AGO3: variants seen among roughly 807,000 people sequenced by gnomAD.
The protein encoded by AGO3 is protein argonaute-3.
A neutral mutation model predicts 105.5 loss-of-function variants in AGO3; 16 were observed. The observed-to-expected ratio is 0.15, with a 90% CI of 0.10 to 0.23. The LOEUF (loss-of-function observed/expected upper bound fraction) is 0.23, where lower values mean the gene tolerates loss of function less well. Among genes scored for constraint, AGO3 ranks in the 10% least tolerant of loss-of-function variants. The pLI is 1.00. For synonymous variants in AGO3, 340 were observed against 367.3 expected (o/e 0.93, Z 0.85); for missense variants, 534 against 1,088.0 (o/e 0.49, Z 7.16).
intron 3 of AGO3, among the ~76,000 whole-genome samples, chr1:35,969,320 A>G (rs1337623195): frequency 2.0e-5 from 3 of 152,078 alleles, no homozygotes; most frequent in Admixed American, 6.6e-5. Context: ...TCTTTTCACT[A>G]TGTTGTGTCC....
chr1:35,974,706 G>A (rs145459732), intron 5 of AGO3, among the ~76,000 whole-genome samples: 9 of 152,210 alleles, frequency 5.9e-5, no homozygotes, highest in African/African-American at 2.2e-4. Context: ...TTCACTGATC[G>A]TTGTGGCCCA....
rs1377514318 is a variant in AGO3, at chr1:35,995,208, AAAT to A, written c.659-9131_659-9129del. On this transcript the variant is annotated intron_variant, in intron 5 of 18. Coordinates refer to ENST00000373191, the MANE Select transcript of AGO3 (RefSeq NM_024852.4). ...AGAGCAAGACACTGTCTAAAAAAAA[AAAT>A]ATATATATATATATATATATATATA... Among the ~76,000 whole-genome samples, 942 of 119,968 alleles carry A rather than the reference AAAT, an allele frequency of 7.9e-3. 11 individuals carry two copies. The highest frequency in any genetic ancestry group is 0.034 in the African/African-American group (897 of 26,692). 78.7% of individuals were successfully genotyped at this position (119,968 alleles called of 152,430 possible).
chr1:35,947,760 C>T (rs1646394118), intron 2 of AGO3, among the ~76,000 whole-genome samples: 2 of 152,108 alleles, frequency 1.3e-5, no homozygotes, highest in Admixed American at 1.3e-4. Context: ...TTCTGTGAGC[C>T]GTCATCCACT....
At chr1:36,036,357 G>T in intron 14 of AGO3, 90 bp downstream of exon 14, 1 of 1,224,320 alleles carries the variant, frequency 8.2e-7, no homozygotes, top group Non-Finnish European at 1.2e-6. Flanking sequence ...TATTTTCTTT[G>T]TAGCCAACTT....
rs1569984338 is a variant in AGO3 at position 36,070,287 on chromosome 1, C to G, written c.*14542C>G. 6.6e-6 allele frequency: 1 copy of G among 152,124 alleles called. No individual in the cohort carries two copies. The highest frequency in any genetic ancestry group is 1.9e-4 in the East Asian group (1 of 5,198). 9.4% of individuals were successfully genotyped at this position (152,124 alleles called of 1,614,324 possible). ...CTTTGCAGAATTTAACTTTGCTTTA[C>G]TTTAAAAATTCCAATCATCATGTAC... On this transcript the variant is annotated 3_prime_UTR_variant, in exon 19 of 19. Coordinates refer to ENST00000373191, the MANE Select transcript of AGO3 (RefSeq NM_024852.4).
At chr1:35,997,596 A>C (rs920589876) in intron 5 of AGO3, among the ~76,000 whole-genome samples, 1 of 152,276 alleles carries the variant, frequency 6.6e-6, no homozygotes, top group Non-Finnish European at 1.5e-5. Context: ...TATTGTGTTG[A>C]GTAGTTTAGA....
intron 17 of AGO3, among the ~76,000 whole-genome samples, chr1:36,048,014 TGTCAA>T (rs1279339738): frequency 6.6e-6 from 1 of 152,094 alleles, no homozygotes; most frequent in Non-Finnish European, 1.5e-5. Context: ...GTAGTCAAAT[TGTCAA>T]GTCAAGGACA....
At chr1:36,011,601 A>T (rs1640617358) in intron 9 of AGO3, among the ~76,000 whole-genome samples, 1 of 152,220 alleles carries the variant, frequency 6.6e-6, no homozygotes, top group Admixed American at 6.5e-5. Flanking sequence ...GTTTAAAAAA[A>T]ATAAAACAGA....
At position 36,034,284 on chromosome 1, in the gene AGO3, A is replaced by T; in HGVS notation, c.1702A>T (p.Ile568Leu). 1 of 1,612,006 alleles carries T rather than the reference A, an allele frequency of 6.2e-7. No homozygotes were observed. The highest frequency in any genetic ancestry group is 8.5e-7 in the Non-Finnish European group (1 of 1,179,210). ...AACTCTGTCAAACTTGTGCCTAAAG[A>T]TAAATGTTAAACTCGGAGGGATCAA... ...PQTLSNLCLK[I>L]NVKLGGINNI... The change falls in exon 13 of 19, where the codon ATA becomes TTA. Residue 568 changes from isoleucine to leucine, a missense_variant. Around this residue, in one of 2 missense-constraint regions of AGO3, gnomAD observed 373 missense variants for 854.0 expected, o/e 0.44. Transcript: ENST00000373191.
intron 4 of AGO3, among the ~76,000 whole-genome samples, 176 bp downstream of exon 4, chr1:35,972,408 G>C (rs1025626936): frequency 1.3e-5 from 2 of 152,056 alleles, no homozygotes; most frequent in Non-Finnish European, 2.9e-5. Context: ...AAATTATCTG[G>C]CTTTTGCAAG....
In AGO3 at chr1:36,071,585, A is replaced by G. The variant is rs1643167538; in HGVS notation, c.*15840A>G. 6.6e-6 allele frequency: 1 copy of G among 151,846 alleles called. No individual in the cohort carries two copies. The allele number at this position is 151,846 out of a possible 1,614,324, so 9.4% of individuals were successfully genotyped here. On this transcript the variant is annotated 3_prime_UTR_variant, in exon 19 of 19. Transcript: ENST00000373191. ...ATGGGACTCTCAAACCTCCCTCCTCATCTTCCCTTCCCCTCTGTCTTATGC... is the reference window on the plus strand; with the variant it reads ...ATGGGACTCTCAAACCTCCCTCCTCGTCTTCCCTTCCCCTCTGTCTTATGC...
intron 11 of AGO3, among the ~76,000 whole-genome samples, chr1:36,025,846 T>C (rs547371669): frequency 6.6e-6 from 1 of 152,258 alleles, no homozygotes; most frequent in East Asian, 1.9e-4. Flanking sequence ...AAGACCAGCC[T>C]GACCAACATG....
chr1:35,931,569 C>G (rs1646049070), intron 1 of AGO3, 124 bp downstream of exon 1: 1 of 1,070,724 alleles, frequency 9.3e-7, no homozygotes, highest in East Asian at 3.2e-5. Flanking sequence ...CTCGGTCTCC[C>G]GCCCCTCGCC....
chr1:36,041,454 G>C (rs963082857), intron 16 of AGO3, among the ~76,000 whole-genome samples: 18 of 151,954 alleles, frequency 1.2e-4, no homozygotes, highest in Admixed American at 9.8e-4. Flanking sequence ...TGTTAGCCAG[G>C]ACGGTCTCGA....
chr1:35,953,710 C>G lies in AGO3; in HGVS notation c.191+7847C>G, dbSNP rs1646514295. Among the ~76,000 whole-genome samples the G allele has an allele frequency of 2.6e-5, 4 of 152,012 alleles. No homozygotes were observed. The South Asian group carries it at 8.3e-4, about 32-fold the overall frequency. ...AGTTTTTAGTAGAGATGGGGTTTCACTATATTGGCCAGGCTGGTCTCGAAC... is the reference window on the plus strand; with the variant it reads ...AGTTTTTAGTAGAGATGGGGTTTCAGTATATTGGCCAGGCTGGTCTCGAAC... On this transcript the variant is annotated intron_variant, in intron 2 of 18. Transcript: ENST00000373191.
intron 12 of AGO3, 112 bp from the exon 13 acceptor site, chr1:36,034,062 C>A: frequency 9.2e-7 from 1 of 1,087,300 alleles, no homozygotes; most frequent in Non-Finnish European, 1.2e-6. Context: ...TTTTTGGTAT[C>A]CTGTAATACA....
intron 2 of AGO3, among the ~76,000 whole-genome samples, chr1:35,956,914 G>C (rs1646577459): frequency 6.6e-6 from 1 of 151,710 alleles, no homozygotes; most frequent in African/African-American, 2.4e-5. Context: ...TCCCAAAGTT[G>C]CTAGGATTAC....
intron 5 of AGO3, among the ~76,000 whole-genome samples, chr1:35,991,041 G>A (rs1287200404): frequency 2.0e-5 from 3 of 152,110 alleles, no homozygotes; most frequent in Non-Finnish European, 4.4e-5. Context: ...GGTGGCTCAC[G>A]CCTGTAATTC....
At position 36,027,240 on chromosome 1, in the gene AGO3, C is replaced by T. The variant is rs1641545730; in HGVS notation, c.1533C>T (p.Asn511=). ...SVEPMFRHLK[N]TYSGLQLIIV... ...AGCCCATGTTCCGGCATCTCAAGAA[C>T]ACATATTCTGGCCTACAGCTTATTA... Residue 511 remains asparagine, a synonymous_variant, in exon 12 of 19, where the codon AAC becomes AAT. Transcript: ENST00000373191. The surrounding 1 kb of genome is among the most constrained non-coding windows in gnomAD (Gnocchi z 4.0). 1 of 1,614,210 alleles carries T rather than the reference C, an allele frequency of 6.2e-7. No homozygotes were observed. Among genetic ancestry groups the T allele is most frequent in the Non-Finnish European group, 8.5e-7 (1 of 1,180,024 alleles).
Sources: allele counts gnomAD v4.1 joint callset (sites outside exome capture counted in the v4.1 genomes callset), GRCh38; gene constraint gnomAD v4.1.1; regional missense constraint gnomAD v4.1.1; non-coding constraint Gnocchi (gnomAD v3.1); transcripts MANE v1.5; gene names NCBI Gene and HGNC (gene_info 2026-07-23, HGNC 2026-07-21).